Variants in COL14A1 observed in about 807,000 individuals in gnomAD.
COL14A1 encodes collagen type XIV alpha 1 chain.
Under a neutral mutation model 230.3 loss-of-function variants are expected in COL14A1, and 136 were observed. The observed-to-expected ratio is 0.59, with a 90% CI of 0.51 to 0.68. The LOEUF is 0.68. COL14A1 is among the 30% of genes least tolerant of loss of function. The pLI, the probability that COL14A1 is intolerant of heterozygous loss-of-function variation, is 0.00. For synonymous variants in COL14A1, 792 were observed against 784.1 expected, an observed-to-expected ratio of 1.01 and a Z score of -0.17; for missense variants, 1,976 against 2,215.8, an observed-to-expected ratio of 0.89 and a Z score of 2.17.
intron 36 of COL14A1, among the ~76,000 whole-genome samples, chr8:120,308,182 A>G (rs934508217): frequency 1.3e-5 from 2 of 152,206 alleles, no homozygotes; most frequent in Admixed American, 6.5e-5. Flanking sequence ...GGGTTTCACC[A>G]TGTTGGCCAG....
At chr8:120,272,032 T>A (rs2129833400) in intron 26 of COL14A1, among the ~76,000 whole-genome samples, 1 of 151,720 alleles carries the variant, frequency 6.6e-6, no homozygotes, top group Non-Finnish European at 1.5e-5. Context: ...GGATTTGGAA[T>A]ATATTGTGAA....
At chr8:120,138,006 A>G (rs1814768358) in intron 1 of COL14A1, among the ~76,000 whole-genome samples, 1 of 152,048 alleles carries the variant, frequency 6.6e-6, no homozygotes, top group South Asian at 2.1e-4. Context: ...GGCCCAGAAT[A>G]TGGCCTATTT....
intron 21 of COL14A1, among the ~76,000 whole-genome samples, chr8:120,248,917 CTTTTTTTTTTTTTTTTTT>C (rs71571673): frequency 1.2e-5 from 1 of 84,196 alleles, no homozygotes; most frequent in Non-Finnish European, 2.2e-5. Context: ...TTCAATCTTT[CTTTTTTTTTTTTTTTTTT>C]TTTTTTTTGA....
chr8:120,304,209 G>A (rs1179509076), intron 36 of COL14A1, among the ~76,000 whole-genome samples: 1 of 151,952 alleles, frequency 6.6e-6, no homozygotes, highest in Non-Finnish European at 1.5e-5. Flanking sequence ...TGGATTCGTT[G>A]TCTTTTGAAT....
At position 120,245,295 on chromosome 8, in the gene COL14A1, C is replaced by T. The variant is rs558225802; in HGVS notation, c.2479+1287C>T. On this transcript the variant is annotated intron_variant, in intron 20 of 47. Transcript: ENST00000297848. ...CATGTATTTGCTCACTTTCTGTCTC[C>T]CATCCCTGGAAGGCAAAGTATCATG... Among the ~76,000 whole-genome samples the T allele has an allele frequency of 2.0e-5, 3 of 152,216 alleles. No homozygotes were observed. The South Asian group carries it at 6.2e-4, about 32-fold the overall frequency.
Position 120,225,229 on chromosome 8 carries a change from T to G in COL14A1, c.1864+15T>G. On this transcript the variant is annotated intron_variant, in intron 15 of 47. Transcript: ENST00000297848. ...TTTTACCACCGGTAAGCAGCCTCAT[T>G]ATGGTTTGAAAAGTTTTGAGAGTAG... 6.2e-7 allele frequency: 1 copy of G among 1,609,422 alleles called. No homozygotes were observed. Among genetic ancestry groups the G allele is most frequent in the Middle Eastern group, 1.7e-4 (1 of 6,048 alleles).
At chr8:120,168,044 C>A in intron 4 of COL14A1, 117 bp from the exon 5 acceptor site, 2 of 588,776 alleles carry the variant, frequency 3.4e-6, no homozygotes, top group Non-Finnish European at 2.9e-6. Flanking sequence ...GAGTTTGTAC[C>A]ACGGAGCTCA....
intron 13 of COL14A1, 78 bp downstream of exon 13, chr8:120,212,655 A>C (rs1040097130): frequency 6.5e-7 from 1 of 1,534,186 alleles, no homozygotes. Context: ...TGGAACTACT[A>C]GTTTTGTTGA....
At chr8:120,299,056 G>A (rs1006225904) in intron 35 of COL14A1, among the ~76,000 whole-genome samples, 1 of 151,846 alleles carries the variant, frequency 6.6e-6, no homozygotes, top group Non-Finnish European at 1.5e-5. Flanking sequence ...CAGCATGGAG[G>A]TAACCGCCCC....
At chr8:120,237,620 T>C (rs1563689444) in intron 19 of COL14A1, among the ~76,000 whole-genome samples, 1 of 152,350 alleles carries the variant, frequency 6.6e-6, no homozygotes, top group South Asian at 2.1e-4. Context: ...TGTCAATTCA[T>C]TAAACTCATT....
rs573400019 is a variant in COL14A1, at chr8:120,128,309, T to C, written c.-38+2969T>C. On this transcript the variant is annotated intron_variant, in intron 1 of 47. Coordinates refer to ENST00000297848, the MANE Select transcript of COL14A1 (RefSeq NM_021110.4). ...TGAGTACTTACTGGGTATCTGCCTT[T>C]TTCTCTTTTAGAAACACACTTAAGT... 3.9e-5 allele frequency among the ~76,000 whole-genome samples: 6 copies of C among 152,184 alleles called. No homozygotes were observed. In the East Asian group the frequency reaches 1.2e-3, roughly 29 times the overall value.
At chr8:120,175,113 A>G (rs946554957) in intron 5 of COL14A1, among the ~76,000 whole-genome samples, 2 of 152,246 alleles carry the variant, frequency 1.3e-5, no homozygotes, top group Non-Finnish European at 2.9e-5. Context: ...TTAAACGCAG[A>G]GTTAAGATCC....
rs11326177 is a variant in COL14A1 at position 120,354,392 on chromosome 8, T to TA, written c.5077+8846dup. Among the ~76,000 whole-genome samples the TA allele has an allele frequency of 1.9e-3, 246 of 131,514 alleles. 3 individuals are homozygous for TA. Among genetic ancestry groups the TA allele is most frequent in the Non-Finnish European group, 2.0e-3 (123 of 61,350 alleles). The allele number at this position is 131,514 out of a possible 152,430, so 86.3% of individuals were successfully genotyped here. ...TGTACCCTAAAACTTAAAGTATAAT[T>TA]AAAAAAAAAAAAAAAAAGAAAAACA... On this transcript the variant is annotated intron_variant, in intron 45 of 47. Coordinates refer to ENST00000297848, the MANE Select transcript of COL14A1 (RefSeq NM_021110.4).
In COL14A1 at chr8:120,285,914, A is replaced by C; in HGVS notation, c.4021A>C (p.Thr1341Pro). 1 of 1,612,286 alleles carries C rather than the reference A, an allele frequency of 6.2e-7. No individual in the cohort carries two copies. Among genetic ancestry groups the C allele is most frequent in the Non-Finnish European group, 8.5e-7 (1 of 1,178,600 alleles). The change falls in exon 33 of 48, where the codon ACT (threonine) becomes CCT (proline). Residue 1341 changes from threonine (T) to proline (P), a missense_variant. Around this residue, in one of 3 missense-constraint regions of COL14A1, gnomAD observed 1,791 missense variants for 2,019.5 expected, o/e 0.89. Coordinates refer to ENST00000297848, the MANE Select transcript of COL14A1 (RefSeq NM_021110.4). ...CTATGACCAGAGTGGGGATTTTCAA[A>C]CTGTTACTTTCGAAGGACCTGAAAT... Reference protein sequence around the residue: ...FNYDQSGDFQTVTFEGPEIRK... With the variant: ...FNYDQSGDFQPVTFEGPEIRK...
intron 5 of COL14A1, among the ~76,000 whole-genome samples, chr8:120,190,750 A>G (rs1381079336): frequency 6.6e-6 from 1 of 152,196 alleles, no homozygotes; most frequent in African/African-American, 2.4e-5. Flanking sequence ...CAGAGAGTCA[A>G]CTTCTTCCTG....
rs548111299 is a variant in COL14A1, at chr8:120,158,020, C to A, written c.89-110C>A. On this transcript the variant is annotated intron_variant, in intron 2 of 47. Transcript: ENST00000297848. ...TGTATATATATTATATATTTTGAGG[C>A]TGATGAAGTCTTTTGTGTGTATTTT... 3 of 601,232 alleles carry A rather than the reference C, an allele frequency of 5.0e-6. No individual in the cohort carries two copies. In the East Asian group the frequency reaches 8.9e-5, roughly 18 times the overall value. The allele number at this position is 601,232 out of a possible 1,614,324, so 37.2% of individuals were successfully genotyped here.
Position 120,172,238 on chromosome 8 carries a change from C to T in COL14A1, c.436+3991C>T, listed in dbSNP as rs374262893. The stretch of plus-strand genomic sequence containing the variant: ...CAATCTTGGCTCACTGCAACTTATG[C>T]GTCCTGGGTTCTAATGAGTCTCCTG... On this transcript the variant is annotated intron_variant, in intron 5 of 47. Transcript: ENST00000297848. 1.1e-3 allele frequency among the ~76,000 whole-genome samples: 161 copies of T among 152,234 alleles called. 1 individual carries two copies. Among genetic ancestry groups the T allele is most frequent in the African/African-American group, 3.8e-3 (158 of 41,550 alleles).
At chr8:120,266,942 T>C in intron 25 of COL14A1, 59 bp downstream of exon 25, 1 of 1,438,238 alleles carries the variant, frequency 7.0e-7, no homozygotes, top group Non-Finnish European at 9.8e-7. Context: ...TTGGTTTTGT[T>C]TGCCTGTTCA....
At chr8:120,228,855 C>A in intron 18 of COL14A1, 86 bp downstream of exon 18, 1 of 1,189,736 alleles carries the variant, frequency 8.4e-7, no homozygotes, top group Non-Finnish European at 1.2e-6. Flanking sequence ...TTATTATTAA[C>A]TAGGAAAAGA....
Sources: gnomAD v4.1 joint callset for allele counts (sites outside exome capture counted in the v4.1 genomes callset) on GRCh38, gnomAD v4.1.1 for gene constraint, gnomAD v4.1.1 regional missense constraint, MANE v1.5 for transcripts, NCBI Gene and HGNC (gene_info 2026-07-23, HGNC 2026-07-21) for gene names.